Variants in LPP observed in about 807,000 individuals in gnomAD.
LPP encodes lipoma-preferred partner.
In LPP, 38 loss-of-function variants were observed where a neutral mutation model predicts 60.4. That is an observed-to-expected ratio of 0.63 (90% CI 0.49 to 0.83). The LOEUF is 0.83. Ranked by LOEUF, LPP falls within the 40% of genes least tolerant of loss-of-function variation. LPP has a pLI of 0.00. For missense variants in LPP, 902 were observed against 783.6 expected (o/e 1.15, Z -1.80); for synonymous variants, 328 against 290.8 (o/e 1.13, Z -1.30).
At chr3:188,401,033 A>G (rs1431490639) in intron 3 of LPP, among the ~76,000 whole-genome samples, 1 of 152,194 alleles carries the variant, frequency 6.6e-6, no homozygotes, top group Non-Finnish European at 1.5e-5. Flanking sequence ...GCTGATTGGG[A>G]CTTTACAGGT....
At chr3:188,593,304 G>GCT (rs564351098) in intron 6 of LPP, among the ~76,000 whole-genome samples, 20 of 150,320 alleles carry the variant, frequency 1.3e-4, no homozygotes, top group Admixed American at 5.3e-4. Context: ...GTTCACTCTT[G>GCT]CTCTCTCTCT....
At chr3:188,698,810 G>A (rs932210162) in intron 7 of LPP, among the ~76,000 whole-genome samples, 43 of 152,212 alleles carry the variant, frequency 2.8e-4, no homozygotes, top group African/African-American at 1.0e-3. Flanking sequence ...TGGAGAGGCA[G>A]CAAGGCATAC....
At chr3:188,317,331 T>C (rs1755375957) in intron 2 of LPP, among the ~76,000 whole-genome samples, 1 of 152,112 alleles carries the variant, frequency 6.6e-6, no homozygotes, top group South Asian at 2.1e-4. Context: ...TGTGTTATTA[T>C]TCATGCAGGG....
chr3:188,534,786 T>C (rs75446490), intron 6 of LPP, among the ~76,000 whole-genome samples: 191 of 152,334 alleles, frequency 1.3e-3, no homozygotes, highest in African/African-American at 4.4e-3. Flanking sequence ...GGATGATCTC[T>C]AGACAGAAGG....
rs542847634 is a variant in LPP at position 188,871,277 on chromosome 3, A to G, written c.1590-1366A>G. Among the ~76,000 whole-genome samples the G allele has an allele frequency of 7.2e-5, 11 of 152,340 alleles. No individual in the cohort carries two copies. The South Asian group carries it at 2.3e-3, about 32-fold the overall frequency. ...CTACTTATTTCACCACTGATGACCC[A>G]GATTTAAAAATAATCTGGTAGTCCA... On this transcript the variant is annotated intron_variant, in intron 10 of 11. Coordinates refer to ENST00000617246, the MANE Select transcript of LPP (RefSeq NM_001375462.1).
intron 1 of LPP, among the ~76,000 whole-genome samples, chr3:188,164,032 C>T (rs138322452): frequency 2.6e-5 from 4 of 151,502 alleles, no homozygotes; most frequent in African/African-American, 9.7e-5. Context: ...ATGTCAAGAT[C>T]GTAAGCACTT....
chr3:188,865,318 TTTC>T (rs777512416), intron 9 of LPP, among the ~76,000 whole-genome samples: 1 of 152,210 alleles, frequency 6.6e-6, no homozygotes, highest in Non-Finnish European at 1.5e-5. Context: ...GATAAATGTG[TTTC>T]TTAATTCACT....
chr3:188,570,205 A>G (rs1465205213), intron 6 of LPP, among the ~76,000 whole-genome samples: 1 of 152,058 alleles, frequency 6.6e-6, no homozygotes, highest in African/African-American at 2.4e-5. Context: ...GCATATGAGT[A>G]AGACTGCCTG....
chr3:188,569,029 C>A (rs1484614111), intron 6 of LPP: 1 of 151,712 alleles, frequency 6.6e-6, no homozygotes, highest in African/African-American at 2.4e-5. Flanking sequence ...CAAGGCTGAC[C>A]ACAGTCTAGG....
chr3:188,541,421 C>T (rs942246693), intron 6 of LPP, among the ~76,000 whole-genome samples: 2 of 152,128 alleles, frequency 1.3e-5, no homozygotes, highest in African/African-American at 4.8e-5. Context: ...TAGCTGCACA[C>T]CCTTAAGGCT....
intron 7 of LPP, among the ~76,000 whole-genome samples, chr3:188,707,319 G>T (rs544156068): frequency 6.6e-6 from 1 of 152,254 alleles, no homozygotes; most frequent in African/African-American, 2.4e-5. Flanking sequence ...AAAGGCCCCA[G>T]TGGCCCTGCA....
chr3:188,704,468 T>G (rs1233404427), intron 7 of LPP, among the ~76,000 whole-genome samples: 1 of 152,122 alleles, frequency 6.6e-6, no homozygotes, highest in Admixed American at 6.5e-5. Context: ...AAGGTCATAG[T>G]CAAATCTCTG....
intron 3 of LPP, among the ~76,000 whole-genome samples, chr3:188,372,080 G>C (rs1227243247): frequency 6.6e-6 from 1 of 151,840 alleles, no homozygotes; most frequent in African/African-American, 2.4e-5. Context: ...AGGCATGGGA[G>C]AGTGAGCTTA....
chr3:188,403,734 C>T (rs1050222877), intron 3 of LPP, among the ~76,000 whole-genome samples: 7 of 152,076 alleles, frequency 4.6e-5, no homozygotes, highest in African/African-American at 1.2e-4. Context: ...TTAAAAACCA[C>T]GAGTAAAACA....
At chr3:188,177,777 G>C (rs1474054499) in intron 1 of LPP, among the ~76,000 whole-genome samples, 4 of 152,116 alleles carry the variant, frequency 2.6e-5, no homozygotes, top group African/African-American at 9.7e-5. Context: ...TTTTATTACA[G>C]GGAAACACCA....
chr3:188,260,515 ATT>A (rs1733206076), intron 2 of LPP, among the ~76,000 whole-genome samples: 1 of 151,998 alleles, frequency 6.6e-6, no homozygotes, highest in Admixed American at 6.6e-5. Flanking sequence ...ATTAATCACC[ATT>A]GTCACTGATA....
Position 188,352,329 on chromosome 3 carries a change from C to A in LPP, c.-10+10610C>A, listed in dbSNP as rs1341694004. ...GCACACGTATTGGCTGCTTTTTCTCCCCACCTTTGGCAGCTTGTGAGCGGT... is the reference window on the plus strand; with the variant it reads ...GCACACGTATTGGCTGCTTTTTCTCACCACCTTTGGCAGCTTGTGAGCGGT... On this transcript the variant is annotated intron_variant, in intron 3 of 11. Coordinates refer to ENST00000617246, the MANE Select transcript of LPP (RefSeq NM_001375462.1). This position sits in a 1 kb window ranked among gnomAD's most constrained non-coding sequence, Gnocchi z 4.4. Among the ~76,000 whole-genome samples the A allele has an allele frequency of 1.3e-5, 2 of 152,152 alleles. No homozygotes were observed. Among genetic ancestry groups the A allele is most frequent in the African/African-American group, 4.8e-5 (2 of 41,442 alleles).
chr3:188,694,275 T>C (rs1862731210), intron 7 of LPP, among the ~76,000 whole-genome samples: 1 of 152,244 alleles, frequency 6.6e-6, no homozygotes, highest in Admixed American at 6.5e-5. Context: ...TTTGCCCACC[T>C]TTAGGTACAG....
At position 188,886,208 on chromosome 3, in the gene LPP, G is replaced by A. The variant is rs1454180475; in HGVS notation, c.*11729G>A. The stretch of plus-strand genomic sequence containing the variant: ...GGAGATATACCTAATGCTAAATGAC[G>A]AGTTAATGGGTGCAGCACACCAGCA... On this transcript the variant is annotated 3_prime_UTR_variant, in exon 12 of 12. Transcript: ENST00000617246. 1 of 151,928 alleles carries A rather than the reference G, an allele frequency of 6.6e-6. No individual in the cohort carries two copies. Among genetic ancestry groups the A allele is most frequent in the Non-Finnish European group, 1.5e-5 (1 of 68,470 alleles). The allele number at this position is 151,928 out of a possible 1,614,324, so 9.4% of individuals were successfully genotyped here.
Sources: gnomAD v4.1 joint callset for allele counts (sites outside exome capture counted in the v4.1 genomes callset) on GRCh38, gnomAD v4.1.1 for gene constraint, Gnocchi (gnomAD v3.1) non-coding constraint, MANE v1.5 for transcripts, NCBI Gene and HGNC (gene_info 2026-07-23, HGNC 2026-07-21) for gene names.